SLC43A2: variants seen among roughly 807,000 people sequenced by gnomAD.
SLC43A2 encodes large neutral amino acids transporter small subunit 4.
A neutral mutation model predicts 63.2 loss-of-function variants in SLC43A2; 38 were observed. That is an observed-to-expected ratio of 0.60 (90% CI 0.46 to 0.79). SLC43A2 has a LOEUF of 0.79. SLC43A2 is among the 30% of genes least tolerant of loss of function. The pLI, the probability that SLC43A2 is intolerant of heterozygous loss-of-function variation, is 0.00. For synonymous variants in SLC43A2, 322 were observed against 331.0 expected, an observed-to-expected ratio of 0.97 and a Z score of 0.30; for missense variants, 644 against 756.2, an observed-to-expected ratio of 0.85 and a Z score of 1.74.
intron 9 of SLC43A2, among the ~76,000 whole-genome samples, chr17:1,590,014 T>A (rs1228201483): frequency 6.6e-6 from 1 of 152,164 alleles, no homozygotes; most frequent in South Asian, 2.1e-4. Context: ...CCTAAAAACC[T>A]GATAACTGAT....
Position 1,575,704 on chromosome 17 carries a change from C to T in SLC43A2, c.1610G>A (p.Cys537Tyr). The T allele has an allele frequency of 3.1e-6, 5 of 1,614,014 alleles. No homozygotes were observed. Among genetic ancestry groups the T allele is most frequent in the Non-Finnish European group, 3.4e-6 (4 of 1,180,006 alleles). Residue 537 changes from cysteine to tyrosine, a missense_variant, in exon 14 of 14, where the codon TGC (cysteine) becomes TAC (tyrosine). Around this residue, in one of 3 missense-constraint regions of SLC43A2, gnomAD observed 105 missense variants for 101.7 expected, o/e 1.03. Coordinates refer to ENST00000301335, the MANE Select transcript of SLC43A2 (RefSeq NM_152346.3). Reference protein sequence around the residue: ...LGFCLPLYLICYRRQLERQLQ... With the variant: ...LGFCLPLYLIYYRRQLERQLQ... The stretch of plus-strand genomic sequence containing the variant: ...CTGCCGCTCCAGCTGGCGCCGGTAG[C>T]AGATCAGGTAGAGCGGGAGGCAGAA...
chr17:1,629,586 C>T (rs557663820), upstream of SLC43A2, among the ~76,000 whole-genome samples: 10 of 152,316 alleles, frequency 6.6e-5, no homozygotes, highest in South Asian at 8.3e-4. Flanking sequence ...GTCTCCTGAG[C>T]TCCCCCCATC....
At chr17:1,615,756 T>A (rs1400250574) in intron 3 of SLC43A2, among the ~76,000 whole-genome samples, 1 of 147,660 alleles carries the variant, frequency 6.8e-6, no homozygotes, top group East Asian at 2.0e-4. Flanking sequence ...GGCAGGAGAA[T>A]AGCGTGAACC....
intron 11 of SLC43A2, among the ~76,000 whole-genome samples, chr17:1,579,711 C>T (rs1329866758): frequency 6.6e-6 from 1 of 151,810 alleles, no homozygotes. Context: ...GTGGTACGTG[C>T]CCGTAGTCCC....
chr17:1,594,220 A>T (rs1905073584), intron 5 of SLC43A2, among the ~76,000 whole-genome samples: 1 of 152,184 alleles, frequency 6.6e-6, no homozygotes, highest in Non-Finnish European at 1.5e-5. Flanking sequence ...ACGGGAAGCA[A>T]GGTCCGGGCT....
At chr17:1,589,298 C>T (rs1206103491) in intron 9 of SLC43A2, among the ~76,000 whole-genome samples, 5 of 152,128 alleles carry the variant, frequency 3.3e-5, no homozygotes, top group Non-Finnish European at 7.4e-5. Context: ...GGGGTTTCCG[C>T]CACTCCAGGG....
chr17:1,599,479 C>T (rs1311040612), intron 5 of SLC43A2, among the ~76,000 whole-genome samples: 1 of 151,912 alleles, frequency 6.6e-6, no homozygotes, highest in Non-Finnish European at 1.5e-5. Flanking sequence ...GCAGGTGGAT[C>T]ACTTGAGGCC....
rs183185707 is a variant in SLC43A2, at chr17:1,580,475, G to A, written c.1351-2152C>T. On this transcript the variant is annotated intron_variant, in intron 11 of 13. Coordinates refer to ENST00000301335, the MANE Select transcript of SLC43A2 (RefSeq NM_152346.3). The stretch of plus-strand genomic sequence containing the variant: ...CAGGGTCTCCCAAGCCTGGTCACCC[G>A]GCCCTCCCAGCAGGTGGCTGCCCTC... Among the ~76,000 whole-genome samples the A allele has an allele frequency of 3.0e-3, 459 of 152,318 alleles. 1 individual carries two copies. Among genetic ancestry groups the A allele is most frequent in the Middle Eastern group, 6.8e-3 (2 of 294 alleles).
Position 1,583,621 on chromosome 17 carries a change from G to A in SLC43A2, c.1218-285C>T, listed in dbSNP as rs927121655. 1 of 363,512 alleles carries A rather than the reference G, an allele frequency of 2.8e-6. No homozygotes were observed. Among genetic ancestry groups the A allele is most frequent in the African/African-American group, 2.0e-5 (1 of 49,140 alleles). 22.5% of individuals were successfully genotyped at this position (363,512 alleles called of 1,614,324 possible). A position where few individuals can be genotyped will look rare whatever the true frequency, so the allele number is the denominator to read the frequency against. On this transcript the variant is annotated intron_variant, in intron 10 of 13. Coordinates refer to ENST00000301335, the MANE Select transcript of SLC43A2 (RefSeq NM_152346.3). The surrounding 1 kb of genome is among the most constrained non-coding windows in gnomAD (Gnocchi z 5.5). ...GAAGGCTGAGCTAAGACGACGGGGA[G>A]AGAAGTAGCAGCGTGTGCCTGAGCT...
At chr17:1,582,759 G>A (rs879704841) in intron 11 of SLC43A2, among the ~76,000 whole-genome samples, 1 of 152,188 alleles carries the variant, frequency 6.6e-6, no homozygotes, top group Non-Finnish European at 1.5e-5. Context: ...CTGGTGGGCT[G>A]CTCGGTTGAG....
chr17:1,606,725 G>A lies in SLC43A2; in HGVS notation c.501+6470C>T, dbSNP rs910519006. Among the ~76,000 whole-genome samples the A allele has an allele frequency of 4.6e-5, 7 of 150,680 alleles. No homozygotes were observed. Among genetic ancestry groups the A allele is most frequent in the African/African-American group, 1.4e-4 (6 of 41,424 alleles). ...ACTGAGCGTGCCGTCCAGATGTCCC[G>A]GGGGAGGCTGAGGATCCACACCGTG... is the stretch of plus-strand genomic sequence containing the variant. On this transcript the variant is annotated intron_variant, in intron 5 of 13. Transcript: ENST00000301335. This position sits in a 1 kb window ranked among gnomAD's most constrained non-coding sequence, Gnocchi z 4.7.
At chr17:1,587,637 G>A (rs1431660650) in intron 9 of SLC43A2, among the ~76,000 whole-genome samples, 1 of 152,228 alleles carries the variant, frequency 6.6e-6, no homozygotes, top group Non-Finnish European at 1.5e-5. Flanking sequence ...CCATATGTGA[G>A]TGCTGGCTCT....
rs996687018 is a variant in SLC43A2 at position 1,578,654 on chromosome 17, A to T, written c.1351-331T>A. On this transcript the variant is annotated intron_variant, in intron 11 of 13. Transcript: ENST00000301335. This position sits in a 1 kb window ranked among gnomAD's most constrained non-coding sequence, Gnocchi z 6.5. ...GCAATTCTCCTGCCTCAGCCTTCGG[A>T]GTAGCTAGGATTACAGGCCCACGCC... is the stretch of plus-strand genomic sequence containing the variant. 7.4e-6 allele frequency: 2 copies of T among 269,942 alleles called. No homozygotes were observed. Among genetic ancestry groups the T allele is most frequent in the Non-Finnish European group, 1.4e-5 (2 of 140,546 alleles). The allele number at this position is 269,942 out of a possible 1,614,324, so 16.7% of individuals were successfully genotyped here. A position where few individuals can be genotyped will look rare whatever the true frequency, so the allele number is the denominator to read the frequency against.
rs950648089 is a variant in SLC43A2 at position 1,574,699 on chromosome 17, C to T, written c.*905G>A. On this transcript the variant is annotated 3_prime_UTR_variant, in exon 14 of 14. Transcript: ENST00000301335. The stretch of plus-strand genomic sequence containing the variant: ...TCCTGGGCACTGGCCCAGCTGCAGG[C>T]CTGGCGGCTCCCGCCTGGTCAGTGG... 1 of 152,368 alleles carries T rather than the reference C, an allele frequency of 6.6e-6. No homozygotes were observed. Among genetic ancestry groups the T allele is most frequent in the African/African-American group, 2.4e-5 (1 of 41,478 alleles). The allele number at this position is 152,368 out of a possible 1,614,324, so 9.4% of individuals were successfully genotyped here. A position where few individuals can be genotyped will look rare whatever the true frequency, so the allele number is the denominator to read the frequency against.
At chr17:1,603,678 G>A (rs917626558) in intron 5 of SLC43A2, among the ~76,000 whole-genome samples, 9 of 152,032 alleles carry the variant, frequency 5.9e-5, no homozygotes, top group African/African-American at 1.2e-4. Context: ...CCAGCTACTC[G>A]GCAGGCTGAG....
intron 5 of SLC43A2, among the ~76,000 whole-genome samples, chr17:1,609,258 G>A (rs1016117916): frequency 1.3e-5 from 2 of 152,154 alleles, no homozygotes; most frequent in Non-Finnish European, 2.9e-5. Flanking sequence ...CCGGAGTGCA[G>A]TGGCGCAATC....
In SLC43A2 at chr17:1,575,582, C is replaced by A. The variant is rs781751249; in HGVS notation, c.*22G>T. 4.3e-5 allele frequency: 69 copies of A among 1,613,806 alleles called. No homozygotes were observed. Among genetic ancestry groups the A allele is most frequent in the Non-Finnish European group, 5.6e-5 (66 of 1,179,980 alleles). ...AGTCACTGAAGCACAGGCAGGAGACCGCAGTTCCGAGGCGGCAGCCACTAC... is the reference window on the plus strand; with the variant it reads ...AGTCACTGAAGCACAGGCAGGAGACAGCAGTTCCGAGGCGGCAGCCACTAC... On this transcript the variant is annotated 3_prime_UTR_variant, in exon 14 of 14. Transcript: ENST00000301335.
At chr17:1,586,928 T>TGGCCCCCCCCCCCCCCCCAAACC in intron 9 of SLC43A2, 2 of 1,232,916 alleles carry the variant, frequency 1.6e-6, no homozygotes, top group Non-Finnish European at 2.2e-6. Flanking sequence ...TCCCTGACAA[T>TGGCCCCCCCCCCCCCCCCAAACC]CCCCCCCACC....
intron 9 of SLC43A2, chr17:1,586,928 T>TGGGCCCCCCCCCCC: frequency 1.7e-5 from 21 of 1,232,814 alleles, no homozygotes; most frequent in Non-Finnish European, 2.4e-5. Context: ...TCCCTGACAA[T>TGGGCCCCCCCCCCC]CCCCCCCACC....
Sources: allele counts gnomAD v4.1 joint callset (sites outside exome capture counted in the v4.1 genomes callset), GRCh38; gene constraint gnomAD v4.1.1; regional missense constraint gnomAD v4.1.1; non-coding constraint Gnocchi (gnomAD v3.1); transcripts MANE v1.5; gene names NCBI Gene and HGNC (gene_info 2026-07-23, HGNC 2026-07-21).